REPS2: variants seen among roughly 807,000 people sequenced by gnomAD.
REPS2 encodes the protein ralBP1-associated Eps domain-containing protein 2.
REPS2 carries 23 observed loss-of-function variants against 53.6 expected under a neutral mutation model. The observed-to-expected ratio is 0.43, with a 90% CI of 0.31 to 0.61. REPS2 has a LOEUF of 0.61. Among genes scored for constraint, REPS2 ranks in the 20% least tolerant of loss-of-function variants. The pLI is 0.11. For synonymous variants in REPS2, 238 were observed against 218.6 expected, an observed-to-expected ratio of 1.09 and a Z score of -0.78; for missense variants, 446 against 534.9, an observed-to-expected ratio of 0.83 and a Z score of 1.64.
In REPS2 at chrX:16,955,852, G is replaced by GA. The variant is rs767886840; in HGVS notation, c.273+8719dup. On this transcript the variant is annotated intron_variant, in intron 1 of 17. Transcript: ENST00000357277. Reference sequence around the variant, plus strand: ...TCTTTCCACCACACTTGCTTTCCAGGATTTGTCTGAAGTAGAAAATTATTC... The same window carrying GA: ...TCTTTCCACCACACTTGCTTTCCAGGAATTTGTCTGAAGTAGAAAATTATTC... Among the ~76,000 whole-genome samples the GA allele has an allele frequency of 8.9e-5, 10 of 112,056 alleles. No individual in the cohort carries two copies. In the Admixed American group the frequency reaches 9.5e-4, roughly 11 times the overall value.
chrX:16,967,640 G>A (rs1602536011), intron 1 of REPS2, among the ~76,000 whole-genome samples: 1 of 110,499 alleles, frequency 9.0e-6, no homozygotes. Flanking sequence ...CTCCAGCCTG[G>A]GTGACAGAGC....
intron 7 of REPS2, among the ~76,000 whole-genome samples, chrX:17,053,490 A>G (rs778064568): frequency 1.1e-4 from 12 of 110,315 alleles, no homozygotes; most frequent in African/African-American, 4.0e-4. Context: ...CGATCCTCCT[A>G]CCTCAGCCTC....
chrX:17,133,566 A>C (rs1198861157), intron 14 of REPS2, among the ~76,000 whole-genome samples: 2 of 111,726 alleles, frequency 1.8e-5, no homozygotes, highest in Non-Finnish European at 3.8e-5. Flanking sequence ...GTTTTTTAGC[A>C]ATACATATGT....
rs1047952328 is a variant in REPS2, at chrX:16,946,900, A to C, written c.39A>C (p.Ala13=). 2 of 774,500 alleles carry C rather than the reference A, an allele frequency of 2.6e-6. No homozygotes were observed. Among genetic ancestry groups the C allele is most frequent in the Non-Finnish European group, 3.0e-6 (2 of 657,845 alleles). The allele number at this position is 774,500 out of a possible 1,213,427, so 63.8% of individuals were successfully genotyped here. A position where few individuals can be genotyped will look rare whatever the true frequency, so the allele number is the denominator to read the frequency against. Residue 13 remains alanine, a synonymous_variant, in exon 1 of 18, where the codon GCA becomes GCC. Coordinates refer to ENST00000357277, the MANE Select transcript of REPS2 (RefSeq NM_004726.3). ...AAAAAAAAAA[A]AAAAGGGCGS... is the part of the protein sequence containing the mutation. ...CGGCGGCGGCGGCGGCGGCAGCGGC[A>C]GCGGCAGCGGCGGGCGGGGGCTGTG...
At chrX:17,023,230 G>A (rs1462845142) in intron 3 of REPS2, among the ~76,000 whole-genome samples, 2 of 112,034 alleles carry the variant, frequency 1.8e-5, no homozygotes, top group East Asian at 5.6e-4. Flanking sequence ...GAGTTCAAGA[G>A]CAGCCTGGCC....
chrX:17,122,253 C>G (rs775790489), intron 14 of REPS2, among the ~76,000 whole-genome samples: 1 of 111,473 alleles, frequency 9.0e-6, no homozygotes, highest in Non-Finnish European at 1.9e-5. Context: ...ATTCTGACTT[C>G]TAACAGCATA....
chrX:17,055,292 G>T (rs2062053021), intron 8 of REPS2, among the ~76,000 whole-genome samples: 1 of 55,856 alleles, frequency 1.8e-5, no homozygotes, highest in African/African-American at 7.1e-5. Context: ...TTTCTCCCAT[G>T]TTGTAGGTTG....
chrX:17,159,646 G>GC, the REPS2 span, among the ~76,000 whole-genome samples: 4 of 111,247 alleles, frequency 3.6e-5, no homozygotes, highest in African/African-American at 1.3e-4. Context: ...GTGCCCCCCA[G>GC]CCCCCCAATG....
At chrX:16,996,534 G>T (rs759540779) in intron 1 of REPS2, among the ~76,000 whole-genome samples, 1 of 112,110 alleles carries the variant, frequency 8.9e-6, no homozygotes. Flanking sequence ...TCAGAGAGGC[G>T]AGAGGTGCAT....
chrX:17,147,612 A>G lies in REPS2; in HGVS notation c.*131A>G. The G allele has an allele frequency of 2.2e-6, 1 of 463,420 alleles. No individual in the cohort carries two copies. The highest frequency in any genetic ancestry group is 3.6e-5 in the East Asian group (1 of 27,799). The allele number at this position is 463,420 out of a possible 1,213,427, so 38.2% of individuals were successfully genotyped here. Reference sequence around the variant, plus strand: ...CTGTGAGCAGCAAAATATAATCCATATGACCTTTTCTCTTGCACTTCACTT... The same window carrying G: ...CTGTGAGCAGCAAAATATAATCCATGTGACCTTTTCTCTTGCACTTCACTT... On this transcript the variant is annotated 3_prime_UTR_variant, in exon 18 of 18. Transcript: ENST00000357277.
At position 17,047,512 on chromosome X, in the gene REPS2, C is replaced by T. The variant is rs752644322; in HGVS notation, c.907+30C>T. The T allele has an allele frequency of 4.2e-6, 5 of 1,191,137 alleles. No homozygotes were observed. In the South Asian group the frequency reaches 9.3e-5, roughly 22 times the overall value. ...GAATGTGGGCTCCCTAGGCATCACT[C>T]TCACCAGAACATAGCCACCATCTTG... On this transcript the variant is annotated intron_variant, in intron 6 of 17. Transcript: ENST00000357277.
intron 2 of REPS2, among the ~76,000 whole-genome samples, chrX:17,019,296 A>G (rs1404695787): frequency 8.9e-6 from 1 of 112,271 alleles, no homozygotes; most frequent in Non-Finnish European, 1.9e-5. Context: ...TGAAACAACA[A>G]TGAAGCAAAT....
the REPS2 span, among the ~76,000 whole-genome samples, chrX:17,196,072 G>GAGAAGA: frequency 9.0e-6 from 1 of 111,729 alleles, no homozygotes; most frequent in East Asian, 2.8e-4. Flanking sequence ...GGAGGAGAAG[G>GAGAAGA]AGAAGAAGAA....
chrX:17,088,749 A>G (rs1178220465), intron 13 of REPS2, among the ~76,000 whole-genome samples: 1 of 109,099 alleles, frequency 9.2e-6, no homozygotes. Context: ...ACGCCTGGCT[A>G]ATTTTTTGTA....
intron 5 of REPS2, among the ~76,000 whole-genome samples, chrX:17,043,961 G>A: frequency 8.9e-6 from 1 of 112,596 alleles, no homozygotes; most frequent in African/African-American, 3.2e-5. Flanking sequence ...GTGAGCATGT[G>A]CAGTCGGAAA....
chrX:16,950,409 G>C (rs2147591921), intron 1 of REPS2, among the ~76,000 whole-genome samples: 1 of 111,898 alleles, frequency 8.9e-6, no homozygotes, highest in Admixed American at 9.5e-5. Flanking sequence ...AATAGCAAGG[G>C]GCATGATTGC....
intron 2 of REPS2, among the ~76,000 whole-genome samples, chrX:17,020,992 G>T (rs1476354727): frequency 8.9e-6 from 1 of 112,125 alleles, no homozygotes; most frequent in African/African-American, 3.2e-5. Flanking sequence ...TCATGTGGAT[G>T]TTAGAGAACC....
the REPS2 span, among the ~76,000 whole-genome samples, chrX:17,192,170 G>T: frequency 8.9e-6 from 1 of 112,427 alleles, no homozygotes; most frequent in African/African-American, 3.2e-5. Flanking sequence ...GATAGATTCT[G>T]CCCCCGACCG....
the REPS2 span, among the ~76,000 whole-genome samples, chrX:17,187,409 G>A: frequency 1.8e-5 from 2 of 111,895 alleles, no homozygotes; most frequent in Non-Finnish European, 1.9e-5. Context: ...TGAGAAAAGA[G>A]ATCTAGAGCG....
Sources: gnomAD v4.1 joint callset for allele counts (sites outside exome capture counted in the v4.1 genomes callset) on GRCh38, gnomAD v4.1.1 for gene constraint, MANE v1.5 for transcripts, NCBI Gene and HGNC (gene_info 2026-07-23, HGNC 2026-07-21) for gene names.